GRIK1: variants seen among roughly 807,000 people sequenced by gnomAD.
GRIK1 encodes the protein glutamate ionotropic receptor kainate type subunit 1, also known as glutamate receptor ionotropic, kainate 1.
Under a neutral mutation model 105.7 loss-of-function variants are expected in GRIK1, and 69 were observed. That is an observed-to-expected ratio of 0.65 (90% CI 0.54 to 0.80). GRIK1 has a LOEUF of 0.80. Ranked by LOEUF, GRIK1 falls within the 30% of genes least tolerant of loss-of-function variation. The pLI, the probability that GRIK1 is intolerant of heterozygous loss-of-function variation, is 0.00. For synonymous variants in GRIK1, 438 were observed against 431.3 expected (o/e 1.02, Z -0.19); for missense variants, 1,109 against 1,167.3 (o/e 0.95, Z 0.73).
intron 7 of GRIK1, among the ~76,000 whole-genome samples, chr21:29,599,343 G>T (rs553082742): frequency 2.0e-4 from 30 of 152,248 alleles, no homozygotes; most frequent in African/African-American, 7.2e-4. Flanking sequence ...AAAGAATATA[G>T]ACTAATATAG....
intron 15 of GRIK1, among the ~76,000 whole-genome samples, chr21:29,561,312 C>A (rs2090473921): frequency 6.6e-6 from 1 of 152,000 alleles, no homozygotes; most frequent in African/African-American, 2.4e-5. Flanking sequence ...TTGAAGGAAA[C>A]AATGTGAAGA....
In GRIK1 at chr21:29,559,207, G is replaced by A. The variant is rs146389231; in HGVS notation, c.2356+2417C>T. ...ATTCAGGCAAAGGTACCTACTCTTG[G>A]TGTTCTCATCTGATCTATGGCCCGT... On this transcript the variant is annotated intron_variant, in intron 15 of 17. Transcript: ENST00000327783. Among the ~76,000 whole-genome samples the A allele has an allele frequency of 8.3e-3, 1,269 of 152,250 alleles. 20 individuals are homozygous for A. Among genetic ancestry groups the A allele is most frequent in the African/African-American group, 0.029 (1,212 of 41,538 alleles).
chr21:29,679,443 C>T (rs1007007020), intron 3 of GRIK1, among the ~76,000 whole-genome samples: 3 of 152,078 alleles, frequency 2.0e-5, no homozygotes, highest in Non-Finnish European at 2.9e-5. Context: ...GTACTCATCC[C>T]GTCCTATCTA....
chr21:29,737,392 C>A (rs2064821190), intron 1 of GRIK1, among the ~76,000 whole-genome samples: 1 of 152,190 alleles, frequency 6.6e-6, no homozygotes, highest in South Asian at 2.1e-4. Context: ...GCTGAACATT[C>A]AGCCAAAATA....
At chr21:29,575,330 G>A (rs1335094181) in intron 14 of GRIK1, among the ~76,000 whole-genome samples, 1 of 151,876 alleles carries the variant, frequency 6.6e-6, no homozygotes, top group African/African-American at 2.4e-5. Context: ...TGGGAGGGTG[G>A]CAGGGCTGAC....
chr21:29,661,997 T>G (rs933446092), intron 4 of GRIK1, among the ~76,000 whole-genome samples: 3 of 152,166 alleles, frequency 2.0e-5, no homozygotes, highest in African/African-American at 7.2e-5. Context: ...TTCTCCTACC[T>G]CCAAGTTAAA....
chr21:29,763,998 A>C (rs186943698), intron 1 of GRIK1: 30 of 152,340 alleles, frequency 2.0e-4, no homozygotes, highest in Admixed American at 2.0e-3. Flanking sequence ...TTTCCAAGAA[A>C]GACACCAATT....
At chr21:29,595,340 G>GTTTTTTTTTTTTTTTTTTTTTTTTTTTT (rs71191119) in intron 9 of GRIK1, among the ~76,000 whole-genome samples, 1 of 136,976 alleles carries the variant, frequency 7.3e-6, no homozygotes, top group Non-Finnish European at 1.6e-5. Context: ...AGTGTAATAG[G>GTTTTTTTTTTTTTTTTTTTTTTTTTTTT]TTTTTTTTTT....
intron 1 of GRIK1, among the ~76,000 whole-genome samples, chr21:29,927,864 C>T (rs1315495925): frequency 6.6e-6 from 1 of 151,934 alleles, no homozygotes; most frequent in Admixed American, 6.6e-5. Flanking sequence ...GAGCAAGACT[C>T]CGTCTCAAAA....
chr21:29,930,060 C>A (rs1454435872), intron 1 of GRIK1, among the ~76,000 whole-genome samples: 1 of 152,160 alleles, frequency 6.6e-6, no homozygotes, highest in Admixed American at 6.5e-5. Context: ...TTTTCTTAAC[C>A]ATTCTCTCCT....
chr21:29,596,323 A>G (rs1385233150), intron 9 of GRIK1: 1 of 696,592 alleles, frequency 1.4e-6, no homozygotes, highest in Non-Finnish European at 2.6e-6. Flanking sequence ...TATTTAATCC[A>G]CTGCAAACCT....
At chr21:29,641,383 C>A (rs932812973) in intron 7 of GRIK1, among the ~76,000 whole-genome samples, 1 of 151,780 alleles carries the variant, frequency 6.6e-6, no homozygotes, top group African/African-American at 2.4e-5. Context: ...TCTTGCCTGC[C>A]ACCATGTAGA....
chr21:29,750,337 C>A (rs944000030), intron 1 of GRIK1, among the ~76,000 whole-genome samples: 15 of 148,518 alleles, frequency 1.0e-4, no homozygotes, highest in Non-Finnish European at 5.9e-5. Context: ...TTTGCCAACT[C>A]CAACTCTGGA....
intron 14 of GRIK1, 45 bp downstream of exon 14, chr21:29,576,919 C>T (rs2090909540): frequency 9.5e-7 from 1 of 1,047,154 alleles, no homozygotes; most frequent in Non-Finnish European, 1.5e-6. Context: ...TATACTCTAC[C>T]ACAAGTATCA....
chr21:29,707,123 C>T (rs902657285), intron 1 of GRIK1, among the ~76,000 whole-genome samples: 3 of 151,640 alleles, frequency 2.0e-5, no homozygotes, highest in African/African-American at 4.9e-5. Flanking sequence ...CTCGGCCTCC[C>T]GAAGTGCTGG....
intron 8 of GRIK1, chr21:29,597,546 T>G (rs775048087): frequency 3.3e-6 from 1 of 305,250 alleles, no homozygotes; most frequent in African/African-American, 2.2e-5. Context: ...ATAACAAGTA[T>G]TTTTTTTCTT....
At chr21:29,644,538 C>T (rs1313554340) in intron 6 of GRIK1, among the ~76,000 whole-genome samples, 1 of 152,172 alleles carries the variant, frequency 6.6e-6, no homozygotes, top group African/African-American at 2.4e-5. Context: ...AATTGACATA[C>T]TGACGTTGGA....
chr21:29,825,382 A>G (rs910259239), intron 1 of GRIK1, among the ~76,000 whole-genome samples: 2 of 152,218 alleles, frequency 1.3e-5, no homozygotes, highest in East Asian at 1.9e-4. Flanking sequence ...TTTTTTCTTA[A>G]TACAACTGAA....
At chr21:29,888,822 G>A (rs537703173) in intron 1 of GRIK1, among the ~76,000 whole-genome samples, 11 of 152,262 alleles carry the variant, frequency 7.2e-5, no homozygotes, top group African/African-American at 1.7e-4. Flanking sequence ...CTATGATGGC[G>A]TTTTAGATTA....
Sources: gnomAD v4.1 joint callset for allele counts (sites outside exome capture counted in the v4.1 genomes callset) on GRCh38, gnomAD v4.1.1 for gene constraint, MANE v1.5 for transcripts, NCBI Gene and HGNC (gene_info 2026-07-23, HGNC 2026-07-21) for gene names.